Variants in HIPK3 observed in about 807,000 individuals in gnomAD.
HIPK3 encodes homeodomain-interacting protein kinase 3.
HIPK3 carries 47 observed loss-of-function variants against 124.2 expected under a neutral mutation model. The observed-to-expected ratio is 0.38, with a 90% CI of 0.30 to 0.48. HIPK3 has a LOEUF of 0.48. Ranked by LOEUF, HIPK3 falls within the 20% of genes least tolerant of loss-of-function variation. HIPK3 has a pLI of 0.98. For missense variants in HIPK3, 1,286 were observed against 1,454.3 expected, an observed-to-expected ratio of 0.88 and a Z score of 1.88; for synonymous variants, 482 against 515.2, an observed-to-expected ratio of 0.94 and a Z score of 0.87.
At chr11:33,298,074 GC>G (rs1851891827) in intron 2 of HIPK3, among the ~76,000 whole-genome samples, 1 of 152,120 alleles carries the variant, frequency 6.6e-6, no homozygotes, top group South Asian at 2.1e-4. Context: ...ACAGGTGTGA[GC>G]CACCGCACCC....
intron 15 of HIPK3, 59 bp downstream of exon 15, chr11:33,351,902 A>T: frequency 7.2e-7 from 1 of 1,386,328 alleles, no homozygotes; most frequent in Non-Finnish European, 1.0e-6. Context: ...AATTTAGGAA[A>T]ATCTGAGAAT....
chr11:33,309,430 G>T (rs1370485173), intron 2 of HIPK3, among the ~76,000 whole-genome samples: 3 of 152,192 alleles, frequency 2.0e-5, no homozygotes, highest in Non-Finnish European at 4.4e-5. Flanking sequence ...GCTTAGTTCT[G>T]ATTGGTTGAC....
rs1364169283 is a variant in HIPK3 at position 33,355,135 on chromosome 11, TTAAC to T, written c.*1570_*1573del. 2 of 152,116 alleles carry T rather than the reference TTAAC, an allele frequency of 1.3e-5. No individual in the cohort carries two copies. Among genetic ancestry groups the T allele is most frequent in the Admixed American group, 6.5e-5 (1 of 15,270 alleles). 9.4% of individuals were successfully genotyped at this position (152,116 alleles called of 1,614,324 possible). On this transcript the variant is annotated 3_prime_UTR_variant, in exon 17 of 17. Transcript: ENST00000303296. Reference sequence around the variant, plus strand: ...TTCAGATAGCTGTGAAATTAGGTGATTAACTAGTTGTTATTTAGCCTTCTAATTT... The same window carrying T: ...TTCAGATAGCTGTGAAATTAGGTGATTAGTTGTTATTTAGCCTTCTAATTT...
intron 1 of HIPK3, chr11:33,258,202 T>TC: frequency 1.2e-5 from 3 of 241,756 alleles, no homozygotes; most frequent in Non-Finnish European, 2.0e-5. Context: ...CCCGGGGGCC[T>TC]CGGCCCCCCC....
intron 1 of HIPK3, among the ~76,000 whole-genome samples, chr11:33,265,772 C>CAAAAAAAA (rs55837408): frequency 1.5e-4 from 10 of 64,782 alleles, no homozygotes; most frequent in African/African-American, 3.2e-4. Context: ...GACCTTGTCT[C>CAAAAAAAA]AAAAAAAAAA....
At chr11:33,258,210 C>G (rs1012561562) in intron 1 of HIPK3, 8 of 713,662 alleles carry the variant, frequency 1.1e-5, no homozygotes, top group Non-Finnish European at 1.4e-5. Flanking sequence ...CCTCGGCCCC[C>G]CCTCCCCCTG....
intron 15 of HIPK3, 77 bp downstream of exon 15, chr11:33,351,920 C>T: frequency 8.1e-7 from 1 of 1,235,870 alleles, no homozygotes; most frequent in Non-Finnish European, 1.1e-6. Context: ...AATGCAGTTG[C>T]CAAAGTCATC....
At chr11:33,314,044 A>AG (rs889884603) in intron 2 of HIPK3, among the ~76,000 whole-genome samples, 11 of 151,524 alleles carry the variant, frequency 7.3e-5, no homozygotes, top group African/African-American at 2.7e-4. Context: ...CTGGTCTCGT[A>AG]CTCCTGGGCT....
chr11:33,318,294 T>G (rs1197052779), intron 2 of HIPK3, among the ~76,000 whole-genome samples: 1 of 152,150 alleles, frequency 6.6e-6, no homozygotes, highest in Non-Finnish European at 1.5e-5. Context: ...TTCGGACTCC[T>G]GACCTCAAGC....
At chr11:33,315,989 GTATC>G (rs1477451529) in intron 2 of HIPK3, among the ~76,000 whole-genome samples, 5 of 152,080 alleles carry the variant, frequency 3.3e-5, no homozygotes, top group African/African-American at 1.2e-4. Flanking sequence ...ATTTGAATGA[GTATC>G]TATTCTGAGC....
At chr11:33,288,272 G>A (rs1186504147) in intron 2 of HIPK3, among the ~76,000 whole-genome samples, 1 of 152,070 alleles carries the variant, frequency 6.6e-6, no homozygotes. Context: ...GGCCAACATG[G>A]CGAAACCCCC....
At chr11:33,295,256 T>C (rs1851807820) in intron 2 of HIPK3, among the ~76,000 whole-genome samples, 2 of 149,786 alleles carry the variant, frequency 1.3e-5, no homozygotes, top group South Asian at 4.2e-4. Context: ...TGCTGCCACC[T>C]GGAGAGAAGC....
chr11:33,295,756 G>C (rs1043761980), intron 2 of HIPK3, among the ~76,000 whole-genome samples: 5 of 152,204 alleles, frequency 3.3e-5, no homozygotes, highest in African/African-American at 1.2e-4. Context: ...AACTGATGTT[G>C]TGTCCACACA....
At chr11:33,323,406 G>T (rs1456759149) in intron 2 of HIPK3, among the ~76,000 whole-genome samples, 2 of 152,106 alleles carry the variant, frequency 1.3e-5, no homozygotes, top group Non-Finnish European at 2.9e-5. Flanking sequence ...ACCACACCTG[G>T]CTAATTTTTG....
rs540347972 is a variant in HIPK3, at chr11:33,295,705, G to T, written c.1097+8194G>T. 2.0e-5 allele frequency among the ~76,000 whole-genome samples: 3 copies of T among 152,260 alleles called. 1 individual carries two copies. The highest frequency in any genetic ancestry group is 2.0e-4 in the Admixed American group (3 of 15,294). On this transcript the variant is annotated intron_variant, in intron 2 of 16. Coordinates refer to ENST00000303296, the MANE Select transcript of HIPK3 (RefSeq NM_005734.5). ...TTGCTTATGGCTGATGTTTTCTCAC[G>T]ATTAGATTCAGGTTTTGCACTTTTG...
At chr11:33,329,000 A>C (rs1465646447) in intron 3 of HIPK3, among the ~76,000 whole-genome samples, 4 of 152,202 alleles carry the variant, frequency 2.6e-5, no homozygotes, top group Non-Finnish European at 5.9e-5. Context: ...AAGGCGTTAT[A>C]ACTTTTGGTC....
At chr11:33,297,113 A>G (rs1311566703) in intron 2 of HIPK3, among the ~76,000 whole-genome samples, 2 of 133,064 alleles carry the variant, frequency 1.5e-5, no homozygotes, top group Non-Finnish European at 1.6e-5. Context: ...TTTTTTTGAG[A>G]TGGAGTCTCT....
chr11:33,347,236 A>T, intron 8 of HIPK3, 57 bp from the exon 9 acceptor site: 1 of 1,472,168 alleles, frequency 6.8e-7, no homozygotes, highest in Non-Finnish European at 9.3e-7. Context: ...AAATAATTGT[A>T]TAAGTTAAAT....
At chr11:33,260,128 ACTT>A (rs975867182) in intron 1 of HIPK3, among the ~76,000 whole-genome samples, 7 of 152,176 alleles carry the variant, frequency 4.6e-5, no homozygotes, top group Admixed American at 2.6e-4. Context: ...TATATGAGAT[ACTT>A]CTTCTTGTAA....
Sources: allele counts gnomAD v4.1 joint callset (sites outside exome capture counted in the v4.1 genomes callset), GRCh38; gene constraint gnomAD v4.1.1; transcripts MANE v1.5; gene names NCBI Gene and HGNC (gene_info 2026-07-23, HGNC 2026-07-21).